The following CNOT9 variants were observed in gnomAD, a reference collection of about 807,000 sequenced individuals.
CNOT9 encodes the protein CCR4-NOT transcription complex subunit 9.
In CNOT9, 8 loss-of-function variants were observed where a neutral mutation model predicts 37.4. That is an observed-to-expected ratio of 0.21 (90% CI 0.13 to 0.39). CNOT9 has a LOEUF of 0.39. Ranked by LOEUF, CNOT9 falls within the 10% of genes least tolerant of loss-of-function variation. The probability of loss-of-function intolerance (pLI) is 1.00; values close to 1 mark genes in which losing one functional copy is unlikely to be tolerated. For synonymous variants in CNOT9, 120 were observed against 137.6 expected, an observed-to-expected ratio of 0.87 and a Z score of 0.90; for missense variants, 154 against 365.3, an observed-to-expected ratio of 0.42 and a Z score of 4.71.
At chr2:218,588,588 C>CTGTTTTTTTTTTTT (rs1694671490) in intron 5 of CNOT9, among the ~76,000 whole-genome samples, 1 of 33,452 alleles carries the variant, frequency 3.0e-5, no homozygotes, top group Non-Finnish European at 4.8e-5. Flanking sequence ...TCCACCCGGC[C>CTGTTTTTTTTTTTT]TTTTTTTTTT....
chr2:218,593,549 C>A, intron 7 of CNOT9: 4 of 1,499,710 alleles, frequency 2.7e-6, no homozygotes, highest in Non-Finnish European at 2.7e-6. Context: ...TGACTTTCTG[C>A]TGGTCATCTT....
At chr2:218,579,919 A>G (rs1694313022) in intron 1 of CNOT9, among the ~76,000 whole-genome samples, 2 of 148,484 alleles carry the variant, frequency 1.3e-5, no homozygotes, top group Admixed American at 1.3e-4. Context: ...CCCATGCTCA[A>G]GCGATTCTAG....
At position 218,592,531 on chromosome 2, in the gene CNOT9, G is replaced by C; in HGVS notation, c.640-85G>C. The C allele has an allele frequency of 6.6e-7, 1 of 1,508,858 alleles. No homozygotes were observed. The allele number at this position is 1,508,858 out of a possible 1,614,324, so 93.5% of individuals were successfully genotyped here. On this transcript the variant is annotated intron_variant, in intron 6 of 7. Transcript: ENST00000273064. This position sits in a 1 kb window ranked among gnomAD's most constrained non-coding sequence, Gnocchi z 4.1. The stretch of plus-strand genomic sequence containing the variant: ...ATTTTGGAACCTTTTATGATTCTTG[G>C]ACTATCTGATCTCTGATGTCAATTA...
rs945223293 is a variant in CNOT9, at chr2:218,581,006, G to A, written c.204+266G>A. 5.4e-6 allele frequency: 3 copies of A among 559,608 alleles called. No homozygotes were observed. In the African/African-American group the frequency reaches 5.6e-5, roughly 10 times the overall value. The allele number at this position is 559,608 out of a possible 1,614,324, so 34.7% of individuals were successfully genotyped here. On this transcript the variant is annotated intron_variant, in intron 2 of 7. Transcript: ENST00000273064. ...TTCACCTCCCCCAGGTGATTGTGAT[G>A]CAAGTGATCTAAGAACTACGCTTTG...
chr2:218,591,517 G>A (rs1156672170), intron 5 of CNOT9, among the ~76,000 whole-genome samples: 1 of 152,178 alleles, frequency 6.6e-6, no homozygotes, highest in Non-Finnish European at 1.5e-5. Context: ...GCCAAGGCAG[G>A]TGGATCACGA....
At chr2:218,581,114 G>A (rs574975365) in intron 2 of CNOT9, 62 of 401,168 alleles carry the variant, frequency 1.5e-4, no homozygotes, top group South Asian at 2.9e-4. Context: ...AGGACCACAA[G>A]GTACAATATA....
In CNOT9 at chr2:218,592,585, C is replaced by T; in HGVS notation, c.640-31C>T. ...TTTGTTTGTGTTTTGTGTGTTTTTT[C>T]CAACCCCTCCCCTTATTTTGGGGGA... On this transcript the variant is annotated intron_variant, in intron 6 of 7. Coordinates refer to ENST00000273064, the MANE Select transcript of CNOT9 (RefSeq NM_005444.3). This position sits in a 1 kb window ranked among gnomAD's most constrained non-coding sequence, Gnocchi z 4.1. 1 of 1,607,132 alleles carries T rather than the reference C, an allele frequency of 6.2e-7. No homozygotes were observed. Among genetic ancestry groups the T allele is most frequent in the Non-Finnish European group, 8.5e-7 (1 of 1,173,604 alleles).
chr2:218,586,583 G>C (rs1175010663), intron 4 of CNOT9, among the ~76,000 whole-genome samples: 1 of 151,822 alleles, frequency 6.6e-6, no homozygotes, highest in Admixed American at 6.6e-5. Flanking sequence ...CCGCCTCCTG[G>C]GTTCTAGCAA....
At position 218,595,832 on chromosome 2, in the gene CNOT9, C is replaced by A. The variant is rs1694914531; in HGVS notation, c.*1556C>A. On this transcript the variant is annotated 3_prime_UTR_variant, in exon 8 of 8. Transcript: ENST00000273064. ...GCCGACTTTCACAAAGAGAGCCGGA[C>A]TTGTTAGTTGGCTTCTGTCTCTTTA... is the stretch of plus-strand genomic sequence containing the variant. 1 of 151,734 alleles carries A rather than the reference C, an allele frequency of 6.6e-6. No homozygotes were observed. Among genetic ancestry groups the A allele is most frequent in the African/African-American group, 2.4e-5 (1 of 41,282 alleles). 9.4% of individuals were successfully genotyped at this position (151,734 alleles called of 1,614,324 possible).
Position 218,592,296 on chromosome 2 carries a change from T to G in CNOT9, c.541-8T>G. The G allele has an allele frequency of 1.2e-6, 2 of 1,605,324 alleles. No individual in the cohort carries two copies. Among genetic ancestry groups the G allele is most frequent in the Non-Finnish European group, 1.7e-6 (2 of 1,173,612 alleles). ...CTTTATAAACTCTTCGATTTTGTTTTGCTTCAGGTTGCCACATTCATCCTC... is the reference window on the plus strand; with the variant it reads ...CTTTATAAACTCTTCGATTTTGTTTGGCTTCAGGTTGCCACATTCATCCTC... On this transcript the variant is annotated splice_polypyrimidine_tract_variant and splice_region_variant and intron_variant, in intron 5 of 7. Transcript: ENST00000273064. This position sits in a 1 kb window ranked among gnomAD's most constrained non-coding sequence, Gnocchi z 4.1.
intron 5 of CNOT9, among the ~76,000 whole-genome samples, chr2:218,591,526 G>C (rs895567152): frequency 1.3e-5 from 2 of 152,078 alleles, no homozygotes; most frequent in East Asian, 3.9e-4. Context: ...GGTGGATCAC[G>C]AGGTCAGGGA....
chr2:218,580,340 C>T (rs1427825186), intron 1 of CNOT9, among the ~76,000 whole-genome samples: 2 of 152,174 alleles, frequency 1.3e-5, no homozygotes, highest in Non-Finnish European at 2.9e-5. Context: ...ATTATACCTA[C>T]AGGATAAATT....
chr2:218,576,234 T>C (rs556149859), intron 1 of CNOT9, among the ~76,000 whole-genome samples: 4 of 152,342 alleles, frequency 2.6e-5, no homozygotes, highest in African/African-American at 4.8e-5. Context: ...ATTTTGAGTT[T>C]TGGTGTTTTA....
intron 5 of CNOT9, 55 bp downstream of exon 5, chr2:218,587,750 A>G: frequency 2.3e-6 from 2 of 870,526 alleles, no homozygotes; most frequent in Non-Finnish European, 3.4e-6. Context: ...CTGCTTCCTT[A>G]TGGTCCTGGG....
intron 1 of CNOT9, chr2:218,572,821 C>T (rs1050463487): frequency 2.9e-6 from 1 of 349,630 alleles, no homozygotes; most frequent in African/African-American, 2.2e-5. Context: ...TTCCGCCTAA[C>T]CAGCAGCATC....
At chr2:218,582,922 T>C in intron 2 of CNOT9, 49 bp from the exon 3 acceptor site, 1 of 1,036,636 alleles carries the variant, frequency 9.6e-7, no homozygotes, top group Non-Finnish European at 1.5e-6. Context: ...CCATGGGAAT[T>C]AATTTTTAGT....
rs551462755 is a variant in CNOT9 at position 218,592,535 on chromosome 2, A to G, written c.640-81A>G. The G allele has an allele frequency of 5.2e-5, 79 of 1,518,196 alleles. No individual in the cohort carries two copies. In the South Asian group the frequency reaches 6.6e-4, roughly 13 times the overall value. The allele number at this position is 1,518,196 out of a possible 1,614,324, so 94.0% of individuals were successfully genotyped here. On this transcript the variant is annotated intron_variant, in intron 6 of 7. Coordinates refer to ENST00000273064, the MANE Select transcript of CNOT9 (RefSeq NM_005444.3). This position sits in a 1 kb window ranked among gnomAD's most constrained non-coding sequence, Gnocchi z 4.1. ...TGGAACCTTTTATGATTCTTGGACTATCTGATCTCTGATGTCAATTAGAAT... is the reference window on the plus strand; with the variant it reads ...TGGAACCTTTTATGATTCTTGGACTGTCTGATCTCTGATGTCAATTAGAAT...
chr2:218,582,652 T>C (rs931529084), intron 2 of CNOT9, among the ~76,000 whole-genome samples: 1 of 151,672 alleles, frequency 6.6e-6, no homozygotes, highest in African/African-American at 2.4e-5. Flanking sequence ...ATCGTGCCAC[T>C]GCACTCCAGC....
intron 1 of CNOT9, among the ~76,000 whole-genome samples, chr2:218,575,387 C>CTTTTTTTTTTTTTT (rs71064461): frequency 5.5e-5 from 7 of 127,236 alleles, no homozygotes; most frequent in South Asian, 2.4e-4. Flanking sequence ...TTTCTTTTTT[C>CTTTTTTTTTTTTTT]TTTTTTTTTT....
Sources: gnomAD v4.1 joint callset for allele counts (sites outside exome capture counted in the v4.1 genomes callset) on GRCh38, gnomAD v4.1.1 for gene constraint, Gnocchi (gnomAD v3.1) non-coding constraint, MANE v1.5 for transcripts, NCBI Gene and HGNC (gene_info 2026-07-23, HGNC 2026-07-21) for gene names.